Variants in UBE3C observed in about 807,000 individuals in gnomAD.
UBE3C encodes ubiquitin protein ligase E3C.
In UBE3C, 42 loss-of-function variants were observed where a neutral mutation model predicts 129.4. The observed-to-expected ratio is 0.32, with a 90% CI of 0.25 to 0.42. The LOEUF (loss-of-function observed/expected upper bound fraction) is 0.42, where lower values mean the gene tolerates loss of function less well. Among genes scored for constraint, UBE3C ranks in the 10% least tolerant of loss-of-function variants. UBE3C has a pLI of 1.00. For missense variants in UBE3C, 1,049 were observed against 1,319.1 expected (o/e 0.80, Z 3.17); for synonymous variants, 510 against 492.4 (o/e 1.04, Z -0.47).
chr7:157,139,043 T>A lies in UBE3C; in HGVS notation c.-230T>A, dbSNP rs533154972. The A allele has an allele frequency of 5.8e-5, 9 of 156,068 alleles. No homozygotes were observed. The East Asian group carries it at 1.5e-3, about 27-fold the overall frequency. 9.7% of individuals were successfully genotyped at this position (156,068 alleles called of 1,614,324 possible). A position where few individuals can be genotyped will look rare whatever the true frequency, so the allele number is the denominator to read the frequency against. ...CGGCCCGAGCTGTGGCCGGCGTGGA[T>A]GAGGGGCAGGCGAGGCAGGGCCGCC... is the stretch of plus-strand genomic sequence containing the variant. On this transcript the variant is annotated 5_prime_UTR_variant, in exon 1 of 23. An upstream start codon of the reference 5' UTR is lost. Coordinates refer to ENST00000348165, the MANE Select transcript of UBE3C (RefSeq NM_014671.3).
In UBE3C at chr7:157,261,320, A is replaced by G. The variant is rs958656581; in HGVS notation, c.3081+4276A>G. On this transcript the variant is annotated intron_variant, in intron 22 of 22. Coordinates refer to ENST00000348165, the MANE Select transcript of UBE3C (RefSeq NM_014671.3). ...AAACTCTGTCTGAAAAAAAAAAAAA[A>G]AAAAAAAAAAAAAAAAAAATCCCAA... 2.5e-3 allele frequency among the ~76,000 whole-genome samples: 266 copies of G among 107,556 alleles called. 4 individuals carry two copies. The highest frequency in any genetic ancestry group is 4.3e-3 in the Non-Finnish European group (218 of 50,508). The allele number at this position is 107,556 out of a possible 152,430, so 70.6% of individuals were successfully genotyped here.
At chr7:157,240,686 C>T (rs557148530) in intron 18 of UBE3C, among the ~76,000 whole-genome samples, 38 of 152,130 alleles carry the variant, frequency 2.5e-4, no homozygotes, top group African/African-American at 7.2e-4. Flanking sequence ...GAAATTAATC[C>T]GTGAATGGAG....
chr7:157,176,751 A>G (rs1288543253), intron 5 of UBE3C, among the ~76,000 whole-genome samples: 3 of 152,054 alleles, frequency 2.0e-5, no homozygotes, highest in Non-Finnish European at 4.4e-5. Flanking sequence ...CCTCATTTGT[A>G]TTTTGAGAGA....
rs749177317 is a variant in UBE3C, at chr7:157,178,781, G to T, written c.550G>T (p.Val184Phe). 10 of 1,614,084 alleles carry T rather than the reference G, an allele frequency of 6.2e-6. No homozygotes were observed. In the East Asian group the frequency reaches 2.2e-4, roughly 36 times the overall value. The change falls in exon 6 of 23, where the codon GTT becomes TTT. Residue 184 changes from valine (V) to phenylalanine (F), a missense_variant. Around this residue, in one of 4 missense-constraint regions of UBE3C, gnomAD observed 489 missense variants for 513.8 expected, o/e 0.95. Transcript: ENST00000348165. ...TTCGTCTGAGAATACTTACTTGCCT[G>T]TTTTACAAGATGCTAGCTATGTGGT... ...VFSSENTYLP[V>F]LQDASYVVSV...
intron 18 of UBE3C, chr7:157,231,649 CTT>C (rs1313918260): frequency 6.4e-6 from 2 of 310,472 alleles, no homozygotes; most frequent in South Asian, 3.3e-5. Context: ...GCCCTGGTGA[CTT>C]TTTACAGGAG....
At chr7:157,160,359 G>A (rs1268836695) in intron 1 of UBE3C, among the ~76,000 whole-genome samples, 2 of 152,204 alleles carry the variant, frequency 1.3e-5, no homozygotes, top group African/African-American at 4.8e-5. Flanking sequence ...ACAGGTGTGA[G>A]CCCCTGCAGC....
In UBE3C at chr7:157,231,247, T is replaced by A; in HGVS notation, c.2401T>A (p.Tyr801Asn). The change falls in exon 18 of 23, where the codon TAC (tyrosine) becomes AAC (asparagine). Residue 801 changes from tyrosine (Y) to asparagine (N), a missense_variant. Tyr to Asn is a moderately radical substitution (Grantham distance 143, BLOSUM62 -2). This residue lies in a region of UBE3C where 243 missense variants were observed against 368.7 expected (regional missense o/e 0.66). Coordinates refer to ENST00000348165, the MANE Select transcript of UBE3C (RefSeq NM_014671.3). The part of the protein sequence containing the change: ...FFKTTNEGLL[Y>N]PNPAAQMLVG... ...TAAGACTACTAATGAAGGGCTTCTG[T>A]ACCCCAACCCGGCTGCTCAGATGCT... 6.2e-7 allele frequency: 1 copy of A among 1,614,166 alleles called. No homozygotes were observed.
intron 18 of UBE3C, among the ~76,000 whole-genome samples, chr7:157,242,518 T>G (rs1051121610): frequency 2.1e-5 from 3 of 145,952 alleles, no homozygotes; most frequent in Non-Finnish European, 3.0e-5. Context: ...TGAGTTGTTT[T>G]TTTTTTTTTT....
In UBE3C at chr7:157,169,095, T is replaced by C. The variant is rs1366983987; in HGVS notation, c.168T>C (p.Ile56=). The C allele has an allele frequency of 6.2e-7, 1 of 1,613,838 alleles. No individual in the cohort carries two copies. The highest frequency in any genetic ancestry group is 1.1e-5 in the South Asian group (1 of 91,070). ...ATGCAATAATTATCCAGTCATTTAT[T>C]CGAGGCTATAGAGACAGAAAACAGC... ...LKNAIIIQSF[I]RGYRDRKQQY... is the part of the protein sequence containing the mutation. The change falls in exon 3 of 23, where the codon ATT becomes ATC. Residue 56 remains isoleucine, a synonymous_variant. Transcript: ENST00000348165.
chr7:157,248,801 C>A (rs990389057), intron 19 of UBE3C, among the ~76,000 whole-genome samples: 2 of 152,188 alleles, frequency 1.3e-5, no homozygotes, highest in Non-Finnish European at 2.9e-5. Flanking sequence ...CTGTTCCTGC[C>A]CGGCAGCCCC....
chr7:157,140,705 C>G (rs983625983), intron 1 of UBE3C, among the ~76,000 whole-genome samples: 1 of 152,150 alleles, frequency 6.6e-6, no homozygotes, highest in Admixed American at 6.5e-5. Flanking sequence ...GCCGCGCGGC[C>G]TCTGTTGCAG....
intron 15 of UBE3C, chr7:157,221,737 CT>C (rs948288296): frequency 6.6e-6 from 1 of 150,562 alleles, no homozygotes; most frequent in African/African-American, 2.4e-5. Flanking sequence ...ATAAGACTGT[CT>C]AAAAAAAAAA....
intron 3 of UBE3C, among the ~76,000 whole-genome samples, chr7:157,169,618 C>T (rs1808311276): frequency 6.6e-6 from 1 of 152,092 alleles, no homozygotes; most frequent in Admixed American, 6.6e-5. Context: ...TCAAATGATT[C>T]GCCTGCCTTG....
chr7:157,265,727 G>A lies in UBE3C; in HGVS notation c.3082-1858G>A, dbSNP rs148905146. ...CTCAATTTTAAACCTAAAGGAGGGA[G>A]AACATTTTCTCATGCGTGCATTTCA... On this transcript the variant is annotated intron_variant, in intron 22 of 22. Coordinates refer to ENST00000348165, the MANE Select transcript of UBE3C (RefSeq NM_014671.3). 1.1e-4 allele frequency among the ~76,000 whole-genome samples: 17 copies of A among 152,312 alleles called. No individual in the cohort carries two copies. The East Asian group carries it at 2.1e-3, about 19-fold the overall frequency.
In UBE3C at chr7:157,199,818, C is replaced by T. The variant is rs534483411; in HGVS notation, c.1332-1903C>T. 1.6e-4 allele frequency among the ~76,000 whole-genome samples: 24 copies of T among 152,294 alleles called. No individual in the cohort carries two copies. In the East Asian group the frequency reaches 3.1e-3, roughly 20 times the overall value. On this transcript the variant is annotated intron_variant, in intron 10 of 22. Coordinates refer to ENST00000348165, the MANE Select transcript of UBE3C (RefSeq NM_014671.3). ...TGGAAATTTGCTCGAACATTAATGA[C>T]AGACAGCATACTTAGTTACCTGTCT...
chr7:157,251,861 G>A (rs911107254), intron 19 of UBE3C, among the ~76,000 whole-genome samples: 2 of 152,032 alleles, frequency 1.3e-5, no homozygotes, highest in Non-Finnish European at 2.9e-5. Flanking sequence ...GGGGCTGGGC[G>A]CAGTGGCTCA....
intron 18 of UBE3C, among the ~76,000 whole-genome samples, chr7:157,239,453 G>A (rs1002020054): frequency 6.6e-6 from 1 of 152,192 alleles, no homozygotes; most frequent in African/African-American, 2.4e-5. Flanking sequence ...ACTGGAAGGG[G>A]GTGCAGGGGG....
intron 7 of UBE3C, 31 bp downstream of exon 7, chr7:157,181,702 C>T (rs1808671298): frequency 6.2e-7 from 1 of 1,606,464 alleles, no homozygotes; most frequent in Non-Finnish European, 8.5e-7. Context: ...TTGATTTTGT[C>T]CTTTCACAAG....
chr7:157,207,665 G>A (rs1353184419), intron 12 of UBE3C, 38 bp from the exon 13 acceptor site: 4 of 1,598,720 alleles, frequency 2.5e-6, no homozygotes, highest in Non-Finnish European at 2.6e-6. Context: ...TTAAAAGATG[G>A]AAAAAGAAAC....
Sources: gnomAD v4.1 joint callset for allele counts (sites outside exome capture counted in the v4.1 genomes callset) on GRCh38, gnomAD v4.1.1 for gene constraint, gnomAD v4.1.1 regional missense constraint, MANE v1.5 for transcripts, NCBI Gene and HGNC (gene_info 2026-07-23, HGNC 2026-07-21) for gene names.